The following ATL2 variants were observed in gnomAD, a reference collection of about 807,000 sequenced individuals.
ATL2 encodes the protein atlastin GTPase 2.
In ATL2, 31 loss-of-function variants were observed where a neutral mutation model predicts 73.9. The observed-to-expected ratio is 0.42, with a 90% CI of 0.32 to 0.57. ATL2 has a LOEUF of 0.57. ATL2 is among the 20% of genes least tolerant of loss of function. The pLI is 0.14. For missense variants in ATL2, 738 were observed against 702.6 expected (o/e 1.05, Z -0.57); for synonymous variants, 291 against 237.5 (o/e 1.23, Z -2.07).
chr2:38,353,863 G>A (rs746827053), intron 1 of ATL2, among the ~76,000 whole-genome samples: 4 of 152,086 alleles, frequency 2.6e-5, no homozygotes, highest in South Asian at 2.1e-4. Context: ...TCAGTGAAAC[G>A]ATCATTCAAA....
At chr2:38,326,231 C>A (rs1029868440) in intron 2 of ATL2, among the ~76,000 whole-genome samples, 5 of 152,178 alleles carry the variant, frequency 3.3e-5, no homozygotes, top group African/African-American at 9.7e-5. Flanking sequence ...AATAAAAGTT[C>A]TTGGGAAACC....
At position 38,363,273 on chromosome 2, in the gene ATL2, T is replaced by C. The variant is rs909233234; in HGVS notation, c.118+13870A>G. 1.1e-4 allele frequency among the ~76,000 whole-genome samples: 17 copies of C among 152,008 alleles called. 1 individual carries two copies. Among genetic ancestry groups the C allele is most frequent in the Admixed American group, 1.0e-3 (16 of 15,250 alleles). ...TAGCATCTTTATTATCAAATGAGCA[T>C]GTCTGCTGAATAAACTCAGATCTGA... On this transcript the variant is annotated intron_variant, in intron 1 of 12. Transcript: ENST00000378954.
intron 1 of ATL2, among the ~76,000 whole-genome samples, chr2:38,370,965 A>T (rs555636866): frequency 6.7e-6 from 1 of 150,142 alleles, no homozygotes; most frequent in African/African-American, 2.5e-5. Context: ...CTCGGGGGGG[A>T]AAAAAATAAG....
intron 2 of ATL2, among the ~76,000 whole-genome samples, chr2:38,324,108 T>C (rs1365724963): frequency 2.0e-5 from 3 of 152,100 alleles, no homozygotes; most frequent in South Asian, 2.1e-4. Flanking sequence ...ATACCCAGTC[T>C]CTACTAAAAA....
In ATL2 at chr2:38,300,094, G is replaced by C. The variant is rs1573422497; in HGVS notation, c.1128+178C>G. 3.3e-5 allele frequency among the ~76,000 whole-genome samples: 5 copies of C among 151,898 alleles called. No homozygotes were observed. The South Asian group carries it at 1.0e-3, about 32-fold the overall frequency. ...ACACATGGAAGGCCTACAATCTGCA[G>C]TTACAAAAAAAAAATTGTATGAAAC... On this transcript the variant is annotated intron_variant, in intron 10 of 12. Transcript: ENST00000378954.
At chr2:38,356,028 CAATAT>C (rs1157088127) in intron 1 of ATL2, among the ~76,000 whole-genome samples, 1 of 150,918 alleles carries the variant, frequency 6.6e-6, no homozygotes, top group Non-Finnish European at 1.5e-5. Flanking sequence ...TCTAAGTAAT[CAATAT>C]AATAAGAAAA....
At chr2:38,326,453 G>A (rs577488062) in intron 2 of ATL2, among the ~76,000 whole-genome samples, 17 of 152,226 alleles carry the variant, frequency 1.1e-4, no homozygotes, top group Admixed American at 3.9e-4. Flanking sequence ...AGACTGAAAA[G>A]ACAAGGCAAA....
intron 1 of ATL2, among the ~76,000 whole-genome samples, chr2:38,360,540 C>T (rs189485126): frequency 6.6e-6 from 1 of 152,100 alleles, no homozygotes; most frequent in African/African-American, 2.4e-5. Flanking sequence ...CCTCAGCCTC[C>T]CCAAAGTGCT....
In ATL2 at chr2:38,309,422, C is replaced by T. The variant is rs1171304048; in HGVS notation, c.1028G>A (p.Ser343Asn). Residue 343 changes from serine (S) to asparagine (N), a missense_variant, in exon 9 of 13, where the codon AGT becomes AAT. By Grantham distance (46) the Ser-to-Asn change is conservative. Coordinates refer to ENST00000378954, the MANE Select transcript of ATL2 (RefSeq NM_001135673.4). ...ATCTCTACAAGTGACTTTAGATCCA[C>T]TTATCTCTTTTTCTACCAAATTTTC... ...APENLVEKEI[S>N]GSKVTCRDLV... The T allele has an allele frequency of 6.2e-7, 1 of 1,612,304 alleles. No individual in the cohort carries two copies. Among genetic ancestry groups the T allele is most frequent in the Non-Finnish European group, 8.5e-7 (1 of 1,179,682 alleles).
Position 38,294,529 on chromosome 2 carries a change from C to G in ATL2, c.*1465G>C, listed in dbSNP as rs980407446. ...CACCACTGCACTCCAGCCTGGGTGA[C>G]AGAGAGAGACTCCGTCTCAAAAAAG... On this transcript the variant is annotated 3_prime_UTR_variant, in exon 13 of 13. Coordinates refer to ENST00000378954, the MANE Select transcript of ATL2 (RefSeq NM_001135673.4). Among the ~76,000 whole-genome samples the G allele has an allele frequency of 1.4e-4, 21 of 152,010 alleles. No homozygotes were observed. The highest frequency in any genetic ancestry group is 3.9e-4 in the East Asian group (2 of 5,164).
chr2:38,323,305 T>C (rs1018366723), intron 2 of ATL2, among the ~76,000 whole-genome samples: 8 of 148,008 alleles, frequency 5.4e-5, no homozygotes, highest in East Asian at 2.0e-4. Flanking sequence ...GAAGTATTTA[T>C]AGAATAAAAC....
intron 2 of ATL2, among the ~76,000 whole-genome samples, chr2:38,340,233 T>C (rs1669635965): frequency 6.6e-6 from 1 of 150,448 alleles, no homozygotes; most frequent in Non-Finnish European, 1.5e-5. Context: ...TGTTCTGTAT[T>C]TTCATCTGGA....
At chr2:38,351,264 T>C (rs971733640) in intron 1 of ATL2, among the ~76,000 whole-genome samples, 1 of 152,148 alleles carries the variant, frequency 6.6e-6, no homozygotes, top group Non-Finnish European at 1.5e-5. Context: ...TTCAAGTTTA[T>C]TCTAGCACAT....
chr2:38,323,613 G>A (rs1159660358), intron 2 of ATL2, among the ~76,000 whole-genome samples: 1 of 152,012 alleles, frequency 6.6e-6, no homozygotes, highest in Non-Finnish European at 1.5e-5. Flanking sequence ...TAAACAGTAA[G>A]AAACAAATTC....
chr2:38,323,498 C>G (rs962417669), intron 2 of ATL2, among the ~76,000 whole-genome samples: 1 of 151,480 alleles, frequency 6.6e-6, no homozygotes, highest in Admixed American at 6.6e-5. Flanking sequence ...GCCACCATGC[C>G]CAGCCTGAAG....
At chr2:38,332,333 T>C (rs916605505) in intron 2 of ATL2, among the ~76,000 whole-genome samples, 4 of 152,060 alleles carry the variant, frequency 2.6e-5, no homozygotes, top group Admixed American at 2.6e-4. Context: ...TAGCCTCCTG[T>C]GTAGCTGGAA....
At chr2:38,351,431 C>T (rs1014053530) in intron 1 of ATL2, among the ~76,000 whole-genome samples, 1 of 151,860 alleles carries the variant, frequency 6.6e-6, no homozygotes, top group Admixed American at 6.6e-5. Flanking sequence ...TAGCCATATA[C>T]TGACATATTA....
At position 38,347,815 on chromosome 2, in the gene ATL2, G is replaced by A. The variant is rs375359039; in HGVS notation, c.119-4303C>T. ...GGCAGAGCGCTCTGTCACCCAGGCT[G>A]GAGTGCAGTGGTGAGATCTCGACTC... is the stretch of plus-strand genomic sequence containing the variant. On this transcript the variant is annotated intron_variant, in intron 1 of 12. Coordinates refer to ENST00000378954, the MANE Select transcript of ATL2 (RefSeq NM_001135673.4). 4.3e-4 allele frequency among the ~76,000 whole-genome samples: 64 copies of A among 149,066 alleles called. 3 individuals carry two copies. In the South Asian group the frequency reaches 7.7e-3, roughly 18 times the overall value.
chr2:38,355,846 C>T (rs866054598), intron 1 of ATL2, among the ~76,000 whole-genome samples: 7 of 151,440 alleles, frequency 4.6e-5, no homozygotes, highest in African/African-American at 1.2e-4. Context: ...ATTACAGGCA[C>T]GCACCACCAC....
Sources: allele counts gnomAD v4.1 joint callset (sites outside exome capture counted in the v4.1 genomes callset), GRCh38; gene constraint gnomAD v4.1.1; transcripts MANE v1.5; gene names NCBI Gene and HGNC (gene_info 2026-07-23, HGNC 2026-07-21).